The following CHN2 variants were observed in gnomAD, a reference collection of about 807,000 sequenced individuals.
The protein encoded by CHN2 is chimerin 2.
CHN2 carries 35 observed loss-of-function variants against 56.3 expected under a neutral mutation model. The ratio of observed to expected loss-of-function variants is 0.62; its 90% CI spans 0.47 to 0.82. CHN2 has a LOEUF of 0.82. Among genes scored for constraint, CHN2 ranks in the 40% least tolerant of loss-of-function variants. The probability of loss-of-function intolerance (pLI) is 0.00; values close to 1 mark genes in which losing one functional copy is unlikely to be tolerated. For missense variants in CHN2, 491 were observed against 580.5 expected, an observed-to-expected ratio of 0.85 and a Z score of 1.58; for synonymous variants, 210 against 212.8, an observed-to-expected ratio of 0.99 and a Z score of 0.12.
At chr7:29,304,911 G>T (rs1794021472) in intron 1 of CHN2, among the ~76,000 whole-genome samples, 2 of 152,240 alleles carry the variant, frequency 1.3e-5, no homozygotes, top group South Asian at 4.1e-4. Flanking sequence ...AGGTTGCTCT[G>T]AGATTGTGGC....
intron 2 of CHN2, 23 bp from the exon 3 acceptor site, chr7:29,367,908 CT>C: frequency 1.3e-6 from 2 of 1,596,302 alleles, no homozygotes; most frequent in Non-Finnish European, 8.5e-7. Context: ...TTATTTCTCT[CT>C]CTCTCTCTCT....
At chr7:29,401,133 T>C in intron 6 of CHN2, 1 of 300,314 alleles carries the variant, frequency 3.3e-6, no homozygotes, top group Middle Eastern at 1.1e-3. Flanking sequence ...CCGGGTGTGG[T>C]GGTGGGCGCC....
chr7:29,239,237 G>T (rs1264892963), intron 1 of CHN2, among the ~76,000 whole-genome samples: 1 of 152,116 alleles, frequency 6.6e-6, no homozygotes, highest in Non-Finnish European at 1.5e-5. Flanking sequence ...GCTAGAACAG[G>T]ATTTGCTGAC....
Position 29,473,482 on chromosome 7 carries a change from T to TTTTTTTTTTTG in CHN2, c.577-6796_577-6795insTTTTTTTTTGT, listed in dbSNP as rs539151442. 4.3e-3 allele frequency among the ~76,000 whole-genome samples: 507 copies of TTTTTTTTTTTG among 118,072 alleles called. 8 individuals are homozygous for TTTTTTTTTTTG. The highest frequency in any genetic ancestry group is 0.016 in the African/African-American group (466 of 30,064). The allele number at this position is 118,072 out of a possible 152,430, so 77.5% of individuals were successfully genotyped here. A position where few individuals can be genotyped will look rare whatever the true frequency, so the allele number is the denominator to read the frequency against. The stretch of plus-strand genomic sequence containing the variant: ...TGTGTGTGTTTGTGTTTTTTTTTTT[T>TTTTTTTTTTTG]TGTGTGTGTGTGTGTGTGTGTGTGT... On this transcript the variant is annotated intron_variant, in intron 6 of 12. Coordinates refer to ENST00000222792, the MANE Select transcript of CHN2 (RefSeq NM_004067.4).
chr7:29,227,736 A>G (rs1786322616), intron 1 of CHN2, among the ~76,000 whole-genome samples: 1 of 152,206 alleles, frequency 6.6e-6, no homozygotes, highest in African/African-American at 2.4e-5. Flanking sequence ...GTAGTGGTTG[A>G]AGTTCTATTC....
chr7:29,258,526 G>A (rs1789259504), intron 1 of CHN2, among the ~76,000 whole-genome samples: 1 of 152,152 alleles, frequency 6.6e-6, no homozygotes, highest in African/African-American at 2.4e-5. Flanking sequence ...CTTCCATAAA[G>A]TCTAAGTCTG....
chr7:29,500,112 G>A (rs1035925973), intron 9 of CHN2, 72 bp downstream of exon 9: 3 of 1,216,178 alleles, frequency 2.5e-6, no homozygotes, highest in African/African-American at 1.5e-5. Context: ...TGTTGTCAAG[G>A]AAACAGAGTT....
chr7:29,368,062 T>C, intron 3 of CHN2, 75 bp downstream of exon 3: 1 of 1,256,878 alleles, frequency 8.0e-7, no homozygotes, highest in Non-Finnish European at 1.1e-6. Context: ...AGTGGAGGGA[T>C]TTCAGGTTTC....
At chr7:29,309,037 T>C (rs961731049) in intron 1 of CHN2, among the ~76,000 whole-genome samples, 2 of 151,936 alleles carry the variant, frequency 1.3e-5, no homozygotes, top group African/African-American at 4.8e-5. Flanking sequence ...GATGAATGGA[T>C]GATGAATGAA....
intron 6 of CHN2, among the ~76,000 whole-genome samples, chr7:29,462,607 C>G (rs1200578526): frequency 3.3e-5 from 5 of 152,158 alleles, no homozygotes; most frequent in African/African-American, 1.2e-4. Context: ...CTCCATGCAG[C>G]TTATGCTTCC....
intron 3 of CHN2, among the ~76,000 whole-genome samples, chr7:29,370,899 G>A (rs1340235826): frequency 6.6e-6 from 1 of 152,164 alleles, no homozygotes; most frequent in Non-Finnish European, 1.5e-5. Context: ...AGGAAAGCAG[G>A]GAGCTCAGCT....
chr7:29,199,126 G>T (rs1262723548), intron 1 of CHN2, among the ~76,000 whole-genome samples: 6 of 152,158 alleles, frequency 3.9e-5, no homozygotes, highest in African/African-American at 1.4e-4. Context: ...AAATCATGCT[G>T]TTTTCTGCTA....
intron 6 of CHN2, among the ~76,000 whole-genome samples, chr7:29,420,946 A>T (rs1186234569): frequency 6.6e-6 from 1 of 151,764 alleles, no homozygotes; most frequent in Non-Finnish European, 1.5e-5. Flanking sequence ...AGTAGTTAGG[A>T]TTATAGGCAC....
chr7:29,287,600 G>A (rs1343764388), intron 1 of CHN2, among the ~76,000 whole-genome samples: 1 of 152,084 alleles, frequency 6.6e-6, no homozygotes, highest in Non-Finnish European at 1.5e-5. Flanking sequence ...CATCATTTGA[G>A]CCCTATGCCA....
chr7:29,507,625 G>C (rs1211858703), intron 11 of CHN2, among the ~76,000 whole-genome samples: 1 of 151,980 alleles, frequency 6.6e-6, no homozygotes, highest in African/African-American at 2.4e-5. Flanking sequence ...ACACAGTCAG[G>C]CCTATTATAT....
intron 1 of CHN2, among the ~76,000 whole-genome samples, chr7:29,310,110 C>G (rs945916879): frequency 1.3e-5 from 2 of 152,138 alleles, no homozygotes; most frequent in Non-Finnish European, 2.9e-5. Flanking sequence ...CTTTCCCTTA[C>G]TTCAACATGG....
chr7:29,263,321 C>T (rs905999563), intron 1 of CHN2, among the ~76,000 whole-genome samples: 2 of 152,212 alleles, frequency 1.3e-5, no homozygotes, highest in African/African-American at 4.8e-5. Flanking sequence ...GAGTCTCGCT[C>T]ACTCAGTGCT....
chr7:29,201,056 T>A (rs1236355101), intron 1 of CHN2, among the ~76,000 whole-genome samples: 2 of 152,244 alleles, frequency 1.3e-5, no homozygotes, highest in African/African-American at 2.4e-5. Context: ...AATTTTAGCA[T>A]TCCTTTGCTT....
intron 1 of CHN2, among the ~76,000 whole-genome samples, chr7:29,229,927 A>T (rs894438281): frequency 4.0e-4 from 61 of 152,082 alleles, no homozygotes; most frequent in Non-Finnish European, 1.6e-4. Flanking sequence ...CAGTGAGCTG[A>T]GATCACACCA....
Sources: allele counts gnomAD v4.1 joint callset (sites outside exome capture counted in the v4.1 genomes callset), GRCh38; gene constraint gnomAD v4.1.1; transcripts MANE v1.5; gene names NCBI Gene and HGNC (gene_info 2026-07-23, HGNC 2026-07-21).